TXK: variants seen among roughly 807,000 people sequenced by gnomAD.
TXK encodes tyrosine-protein kinase TXK.
In TXK, 60 loss-of-function variants were observed where a neutral mutation model predicts 81.0. That is an observed-to-expected ratio of 0.74 (90% CI 0.60 to 0.92). The LOEUF (loss-of-function observed/expected upper bound fraction) is 0.92, where lower values mean the gene tolerates loss of function less well. Among genes scored for constraint, TXK ranks in the 40% least tolerant of loss-of-function variants. TXK has a pLI of 0.00. For synonymous variants in TXK, 203 were observed against 210.7 expected (o/e 0.96, Z 0.32); for missense variants, 581 against 638.3 (o/e 0.91, Z 0.97).
rs149169619 is a variant in TXK, at chr4:48,129,548, T to A, written c.16+4607A>T. Among the ~76,000 whole-genome samples, 432 of 152,134 alleles carry A rather than the reference T, an allele frequency of 2.8e-3. 4 individuals carry two copies. The highest frequency in any genetic ancestry group is 0.01 in the African/African-American group (417 of 41,486). On this transcript the variant is annotated intron_variant, in intron 1 of 14. Coordinates refer to ENST00000264316, the MANE Select transcript of TXK (RefSeq NM_003328.3). The stretch of plus-strand genomic sequence containing the variant: ...GATTCTAGAAGCCTGGCAAGCTGGA[T>A]GGAGTCCCGGGCACCAGGGAAGACA...
chr4:48,073,497 C>T (rs1716944888), intron 13 of TXK, among the ~76,000 whole-genome samples: 1 of 152,128 alleles, frequency 6.6e-6, no homozygotes, highest in South Asian at 2.1e-4. Context: ...AAATGAGATG[C>T]CACCATTTTT....
intron 1 of TXK, among the ~76,000 whole-genome samples, chr4:48,123,932 C>T (rs1307236411): frequency 1.3e-5 from 2 of 152,162 alleles, no homozygotes; most frequent in East Asian, 1.9e-4. Context: ...CTCACAGACA[C>T]GTCGTGCATT....
At chr4:48,077,398 T>A (rs935662219) in intron 11 of TXK, among the ~76,000 whole-genome samples, 6 of 152,188 alleles carry the variant, frequency 3.9e-5, no homozygotes, top group African/African-American at 1.4e-4. Context: ...TGCCAGCAAG[T>A]CCTAGCAATG....
At chr4:48,105,015 G>A in intron 5 of TXK, 60 bp from the exon 6 acceptor site, 2 of 1,269,966 alleles carry the variant, frequency 1.6e-6, no homozygotes, top group Non-Finnish European at 2.2e-6. Context: ...AGAAAAAAGT[G>A]CTTCATTTTC....
rs140295228 is a variant in TXK at position 48,113,296 on chromosome 4, G to C, written c.85C>G (p.Gln29Glu). ...CSVQKRQMRT[Q>E]ISLSTDEELP... is the part of the protein sequence containing the mutation. ...TCTTCATCTGTGCTCAGGCTTATCTGTGTTCTCATTTGTCTGACATTGAAA... is the reference window on the plus strand; with the variant it reads ...TCTTCATCTGTGCTCAGGCTTATCTCTGTTCTCATTTGTCTGACATTGAAA... Residue 29 changes from glutamine (Q) to glutamate (E), a missense_variant, in exon 3 of 15, where the codon CAG becomes GAG. Coordinates refer to ENST00000264316, the MANE Select transcript of TXK (RefSeq NM_003328.3). 24 of 1,607,000 alleles carry C rather than the reference G, an allele frequency of 1.5e-5. No homozygotes were observed. The African/African-American group carries it at 2.9e-4, about 20-fold the overall frequency.
chr4:48,128,859 G>A (rs910296114), intron 1 of TXK, among the ~76,000 whole-genome samples: 8 of 151,940 alleles, frequency 5.3e-5, no homozygotes, highest in African/African-American at 7.2e-5. Flanking sequence ...GAGCCACCGC[G>A]CCCAGCCTAT....
intron 4 of TXK, among the ~76,000 whole-genome samples, 173 bp downstream of exon 4, chr4:48,112,134 T>C (rs1490864496): frequency 1.3e-5 from 2 of 152,148 alleles, no homozygotes; most frequent in African/African-American, 4.8e-5. Context: ...GCCAGGTGTA[T>C]CTGGTTCTGA....
chr4:48,079,715 A>G (rs1453596254), intron 11 of TXK, among the ~76,000 whole-genome samples, 197 bp downstream of exon 11: 1 of 152,220 alleles, frequency 6.6e-6, no homozygotes, highest in Non-Finnish European at 1.5e-5. Context: ...AGGCAAGGTG[A>G]ACCCATTCGG....
chr4:48,096,736 C>A (rs1056068824), intron 6 of TXK, among the ~76,000 whole-genome samples: 1 of 152,012 alleles, frequency 6.6e-6, no homozygotes. Flanking sequence ...ACCGTGTTGG[C>A]CATGCTGGTC....
At chr4:48,091,631 G>A (rs375645274) in intron 8 of TXK, among the ~76,000 whole-genome samples, 1 of 151,820 alleles carries the variant, frequency 6.6e-6, no homozygotes, top group Non-Finnish European at 1.5e-5. Flanking sequence ...TCAGCCTCTC[G>A]AGTAGGTGAG....
At position 48,104,974 on chromosome 4, in the gene TXK, T is replaced by C. The variant is rs1718405212; in HGVS notation, c.447-19A>G. The C allele has an allele frequency of 6.4e-7, 1 of 1,562,692 alleles. No homozygotes were observed. Among genetic ancestry groups the C allele is most frequent in the Non-Finnish European group, 8.7e-7 (1 of 1,153,658 alleles). ...GTACCACCTGTAAAAGCAATAAAAA[T>C]GATTTTTAAATTTTATATTCAATTT... On this transcript the variant is annotated intron_variant, in intron 5 of 14. Transcript: ENST00000264316.
chr4:48,093,866 T>C (rs1475329797), intron 8 of TXK, among the ~76,000 whole-genome samples: 2 of 152,230 alleles, frequency 1.3e-5, no homozygotes, highest in Non-Finnish European at 2.9e-5. Context: ...GGTAGAAATA[T>C]AAGAAATTGA....
At chr4:48,108,937 C>A (rs547462535) in intron 5 of TXK, among the ~76,000 whole-genome samples, 3 of 152,302 alleles carry the variant, frequency 2.0e-5, no homozygotes, top group African/African-American at 7.2e-5. Flanking sequence ...TCACTAACCA[C>A]CAGGCACTGT....
At chr4:48,112,909 T>C (rs781392538) in intron 3 of TXK, among the ~76,000 whole-genome samples, 4 of 152,176 alleles carry the variant, frequency 2.6e-5, no homozygotes, top group Non-Finnish European at 5.9e-5. Context: ...TTCCTAAGAA[T>C]GCTGTTTCTC....
At chr4:48,114,440 T>C (rs778613808) in intron 1 of TXK, 38 bp from the exon 2 acceptor site, 1 of 1,602,998 alleles carries the variant, frequency 6.2e-7, no homozygotes, top group Non-Finnish European at 8.5e-7. Context: ...TAGAAAGCCA[T>C]GAGTACGTGA....
chr4:48,107,837 C>T (rs1577673961), intron 5 of TXK, among the ~76,000 whole-genome samples: 1 of 145,948 alleles, frequency 6.9e-6, no homozygotes, highest in Non-Finnish European at 1.5e-5. Flanking sequence ...TAGAGGCGGG[C>T]GGATCACGGG....
At chr4:48,121,182 T>C (rs1718950586) in intron 1 of TXK, among the ~76,000 whole-genome samples, 1 of 152,218 alleles carries the variant, frequency 6.6e-6, no homozygotes, top group Non-Finnish European at 1.5e-5. Context: ...TACACACATC[T>C]AGCCCAGTTC....
intron 1 of TXK, among the ~76,000 whole-genome samples, chr4:48,129,630 C>T (rs1232055363): frequency 2.0e-5 from 3 of 152,156 alleles, no homozygotes; most frequent in Admixed American, 6.5e-5. Flanking sequence ...CTGATGATGA[C>T]CGCTCATCTG....
chr4:48,068,933 CTG>C (rs1412554498), intron 14 of TXK, among the ~76,000 whole-genome samples: 2 of 152,210 alleles, frequency 1.3e-5, no homozygotes, highest in South Asian at 2.1e-4. Context: ...GAGCCTGTTT[CTG>C]CGCATGAATC....
Sources: gnomAD v4.1 joint callset for allele counts (sites outside exome capture counted in the v4.1 genomes callset) on GRCh38, gnomAD v4.1.1 for gene constraint, MANE v1.5 for transcripts, NCBI Gene and HGNC (gene_info 2026-07-23, HGNC 2026-07-21) for gene names.